The following ADAMTS3 variants were observed in gnomAD, a reference collection of about 807,000 sequenced individuals.
ADAMTS3 encodes the protein A disintegrin and metalloproteinase with thrombospondin motifs 3.
ADAMTS3 carries 73 observed loss-of-function variants against 129.0 expected under a neutral mutation model. The ratio of observed to expected loss-of-function variants is 0.57; its 90% confidence interval spans 0.47 to 0.69. ADAMTS3 has a LOEUF of 0.69. Among genes scored for constraint, ADAMTS3 ranks in the 30% least tolerant of loss-of-function variants. The pLI, the probability that ADAMTS3 is intolerant of heterozygous loss-of-function variation, is 0.00. For synonymous variants in ADAMTS3, 477 were observed against 510.8 expected, an observed-to-expected ratio of 0.93 and a Z score of 0.89; for missense variants, 1,457 against 1,514.5, an observed-to-expected ratio of 0.96 and a Z score of 0.63.
At chr4:72,548,329 A>G (rs1721517887) in intron 3 of ADAMTS3, 149 bp downstream of exon 3, 4 of 776,714 alleles carry the variant, frequency 5.1e-6, no homozygotes, top group East Asian at 5.3e-5. Context: ...TATCTTTGAC[A>G]GCAAAATGCT....
intron 12 of ADAMTS3, among the ~76,000 whole-genome samples, chr4:72,312,777 A>G (rs1719277850): frequency 6.6e-6 from 1 of 152,192 alleles, no homozygotes; most frequent in Non-Finnish European, 1.5e-5. Flanking sequence ...GCTACCATGT[A>G]TAAAACACAC....
intron 4 of ADAMTS3, among the ~76,000 whole-genome samples, chr4:72,360,796 ATATCTC>A (rs1350659570): frequency 2.6e-5 from 4 of 152,108 alleles, no homozygotes; most frequent in African/African-American, 9.7e-5. Flanking sequence ...ATACTAATAA[ATATCTC>A]TATATTCTCT....
At chr4:72,386,514 G>T (rs1721453599) in intron 4 of ADAMTS3, among the ~76,000 whole-genome samples, 2 of 152,040 alleles carry the variant, frequency 1.3e-5, no homozygotes, top group Admixed American at 1.3e-4. Context: ...CAATAAGGGA[G>T]AATCACATCT....
chr4:72,410,247 C>A (rs1419454642), intron 4 of ADAMTS3, among the ~76,000 whole-genome samples: 15 of 152,054 alleles, frequency 9.9e-5, no homozygotes, highest in Admixed American at 6.6e-5. Context: ...TTTTCTAGTT[C>A]TTGTTTCATA....
chr4:72,521,633 A>T (rs1720673712), intron 3 of ADAMTS3, among the ~76,000 whole-genome samples: 1 of 152,228 alleles, frequency 6.6e-6, no homozygotes, highest in Non-Finnish European at 1.5e-5. Context: ...TACAAGAAAC[A>T]TCCTCGAAAG....
In ADAMTS3 at chr4:72,365,815, G is replaced by C. The variant is rs1225491930; in HGVS notation, c.662-26122C>G. On this transcript the variant is annotated intron_variant, in intron 4 of 21. Transcript: ENST00000286657. ...GTTTTATCTTTCAAGTTGATGTGTG[G>C]GGAAAAATAAATTTAACACGGCAAA... is the stretch of plus-strand genomic sequence containing the variant. Among the ~76,000 whole-genome samples the C allele has an allele frequency of 1.3e-5, 2 of 152,048 alleles. 1 individual carries two copies. Among genetic ancestry groups the C allele is most frequent in the African/African-American group, 4.8e-5 (2 of 41,402 alleles).
chr4:72,518,771 T>C (rs1270241828), intron 3 of ADAMTS3, among the ~76,000 whole-genome samples: 23 of 150,618 alleles, frequency 1.5e-4, no homozygotes, highest in Non-Finnish European at 3.4e-4. Context: ...AGCACACTGA[T>C]GGGTCTTGAC....
At chr4:72,430,252 T>C (rs529399691) in intron 3 of ADAMTS3, among the ~76,000 whole-genome samples, 1 of 152,120 alleles carries the variant, frequency 6.6e-6, no homozygotes, top group Non-Finnish European at 1.5e-5. Context: ...ACTGAAAGAA[T>C]GTGGTAGAAG....
intron 2 of ADAMTS3, among the ~76,000 whole-genome samples, chr4:72,552,541 T>C (rs1721670665): frequency 1.3e-5 from 2 of 152,198 alleles, no homozygotes; most frequent in African/African-American, 4.8e-5. Context: ...CTGTTCTCCT[T>C]GCTTCTGCTC....
intron 4 of ADAMTS3, among the ~76,000 whole-genome samples, chr4:72,376,536 T>C (rs779110192): frequency 1.3e-5 from 2 of 152,176 alleles, no homozygotes; most frequent in African/African-American, 4.8e-5. Flanking sequence ...GAGTTTCTAA[T>C]GTTAGAATGC....
chr4:72,467,978 T>A (rs1718965666), intron 3 of ADAMTS3, among the ~76,000 whole-genome samples: 1 of 151,272 alleles, frequency 6.6e-6, no homozygotes, highest in Admixed American at 6.6e-5. Flanking sequence ...CCTGTATGTA[T>A]CAGAGCAAAG....
chr4:72,328,760 C>T (rs1719762429), intron 5 of ADAMTS3, among the ~76,000 whole-genome samples: 1 of 151,962 alleles, frequency 6.6e-6, no homozygotes, highest in African/African-American at 2.4e-5. Context: ...CACATATATA[C>T]AAAATTTTTT....
chr4:72,344,079 A>C (rs1001521585), intron 4 of ADAMTS3, among the ~76,000 whole-genome samples: 1 of 152,174 alleles, frequency 6.6e-6, no homozygotes, highest in African/African-American at 2.4e-5. Context: ...TTTTATCAGA[A>C]TGAATTTTTG....
chr4:72,530,353 A>T (rs1223942727), intron 3 of ADAMTS3, among the ~76,000 whole-genome samples: 2 of 85,518 alleles, frequency 2.3e-5, no homozygotes, highest in Non-Finnish European at 4.0e-5. Context: ...ATATATATTA[A>T]ATTAATATAT....
chr4:72,530,377 A>G (rs1352686110), intron 3 of ADAMTS3, among the ~76,000 whole-genome samples: 1 of 85,528 alleles, frequency 1.2e-5, no homozygotes, highest in Non-Finnish European at 2.0e-5. Flanking sequence ...TATAATATAT[A>G]ATATATATTA....
At chr4:72,284,243 A>T (rs1216989439) in intron 21 of ADAMTS3, among the ~76,000 whole-genome samples, 3 of 152,166 alleles carry the variant, frequency 2.0e-5, no homozygotes, top group African/African-American at 7.2e-5. Flanking sequence ...TGAGATCGAG[A>T]CCATCCTGGC....
At chr4:72,351,204 G>A (rs1460872267) in intron 4 of ADAMTS3, among the ~76,000 whole-genome samples, 1 of 151,976 alleles carries the variant, frequency 6.6e-6, no homozygotes, top group Non-Finnish European at 1.5e-5. Flanking sequence ...AAGCAAGAGA[G>A]TAAATGCAGT....
At chr4:72,344,547 A>T (rs1720227885) in intron 4 of ADAMTS3, among the ~76,000 whole-genome samples, 1 of 152,154 alleles carries the variant, frequency 6.6e-6, no homozygotes, top group Non-Finnish European at 1.5e-5. Flanking sequence ...CCCAGCAAAA[A>T]GTCACTCCCA....
At chr4:72,438,241 C>T (rs1156230259) in intron 3 of ADAMTS3, among the ~76,000 whole-genome samples, 1 of 151,662 alleles carries the variant, frequency 6.6e-6, no homozygotes, top group Non-Finnish European at 1.5e-5. Context: ...GTCTTTCCTG[C>T]TTTCAGGTAG....
Sources: gnomAD v4.1 joint callset for allele counts (sites outside exome capture counted in the v4.1 genomes callset) on GRCh38, gnomAD v4.1.1 for gene constraint, MANE v1.5 for transcripts, NCBI Gene and HGNC (gene_info 2026-07-23, HGNC 2026-07-21) for gene names.